The following CNNM3 variants were observed in gnomAD, a reference collection of about 807,000 sequenced individuals.
CNNM3 encodes metal transporter CNNM3.
Under a neutral mutation model 57.1 loss-of-function variants are expected in CNNM3, and 47 were observed. That is an observed-to-expected ratio of 0.82 (90% CI 0.65 to 1.05). The LOEUF (loss-of-function observed/expected upper bound fraction) is 1.05, where lower values mean the gene tolerates loss of function less well. Among genes scored for constraint, CNNM3 ranks in the 50% least tolerant of loss-of-function variants. The probability of loss-of-function intolerance (pLI) is 0.00; values close to 1 mark genes in which losing one functional copy is unlikely to be tolerated. For missense variants in CNNM3, 957 were observed against 973.7 expected (o/e 0.98, Z 0.23); for synonymous variants, 507 against 478.2 (o/e 1.06, Z -0.79).
chr2:96,827,647 CTT>C, intron 3 of CNNM3, 82 bp from the exon 4 acceptor site: 1 of 1,429,526 alleles, frequency 7.0e-7, no homozygotes, highest in Non-Finnish European at 9.6e-7. Flanking sequence ...GGCACAATAA[CTT>C]TAAATTGCCT....
chr2:96,831,765 C>G (rs1559015602), intron 7 of CNNM3, among the ~76,000 whole-genome samples: 1 of 152,358 alleles, frequency 6.6e-6, no homozygotes, highest in African/African-American at 2.4e-5. Flanking sequence ...ACTGTGCAGC[C>G]CTCCATGCTG....
chr2:96,817,213 G>A lies in CNNM3; in HGVS notation c.936G>A (p.Arg312=), dbSNP rs760825307. Residue 312 remains arginine, a synonymous_variant, in exon 1 of 8, where the codon CGG becomes CGA. Transcript: ENST00000305510. The stretch of plus-strand genomic sequence containing the variant: ...TCAGCAAGGGCGTGCTGCGCTGCCG[G>A]ACCGTGGAGGACGTGCTCACGCCCC... ...SDLSKGVLRC[R]TVEDVLTPLE... is the part of the protein sequence containing the mutation. 1.9e-6 allele frequency: 3 copies of A among 1,597,114 alleles called. No homozygotes were observed. In the East Asian group the frequency reaches 6.7e-5, roughly 36 times the overall value.
intron 1 of CNNM3, among the ~76,000 whole-genome samples, chr2:96,821,131 C>T (rs924866929): frequency 6.6e-6 from 1 of 152,138 alleles, no homozygotes; most frequent in Admixed American, 6.5e-5. Flanking sequence ...CTTCCCCGCT[C>T]CTGTGGTGAG....
At position 96,826,942 on chromosome 2, in the gene CNNM3, G is replaced by A. The variant is rs755949526; in HGVS notation, c.1479G>A (p.Ser493=). ...ATGATGAATATAAAGTAACAATCTC[G>A]CCTCAGCTGCTCTTGGCCACCCAGC... The part of the protein sequence containing the change: ...VSDDEYKVTI[S]PQLLLATQRF... The change falls in exon 3 of 8, where the codon TCG becomes TCA. Residue 493 remains serine, a synonymous_variant. Coordinates refer to ENST00000305510, the MANE Select transcript of CNNM3 (RefSeq NM_017623.5). 16 of 1,614,050 alleles carry A rather than the reference G, an allele frequency of 9.9e-6. No homozygotes were observed. The Admixed American group carries it at 1.2e-4, about 12-fold the overall frequency.
downstream of CNNM3, among the ~76,000 whole-genome samples, chr2:96,835,495 G>T (rs922315394): frequency 6.7e-6 from 1 of 148,256 alleles, no homozygotes; most frequent in South Asian, 2.1e-4. Flanking sequence ...TTGAGACGGA[G>T]TCTCACTCTT....
In CNNM3 at chr2:96,817,378, C is replaced by T. The variant is rs770960372; in HGVS notation, c.1101C>T (p.Asp367=). 27 of 1,614,194 alleles carry T rather than the reference C, an allele frequency of 1.7e-5. No individual in the cohort carries two copies. The highest frequency in any genetic ancestry group is 2.1e-5 in the Non-Finnish European group (25 of 1,180,034). The change falls in exon 1 of 8, where the codon GAC becomes GAT. Residue 367 remains aspartate (D), a synonymous_variant. Transcript: ENST00000305510. The stretch of plus-strand genomic sequence containing the variant: ...TCGTGGACATGCTCTACCTCAAGGA[C>T]TTGGCCTTCGTGGATCCCGAAGACT... The part of the protein sequence containing the change: ...SNIVDMLYLK[D]LAFVDPEDCT...
chr2:96,826,166 T>G (rs896547085), intron 2 of CNNM3, among the ~76,000 whole-genome samples: 2 of 152,226 alleles, frequency 1.3e-5, no homozygotes, highest in Non-Finnish European at 2.9e-5. Context: ...AATACATGCT[T>G]TATAGTGAGA....
intron 1 of CNNM3, among the ~76,000 whole-genome samples, chr2:96,823,822 C>A (rs1197722765): frequency 6.6e-6 from 1 of 152,220 alleles, no homozygotes; most frequent in Non-Finnish European, 1.5e-5. Context: ...TCCCATCCCC[C>A]TGTCCTGGAC....
At chr2:96,818,078 A>G (rs1308642121) in intron 1 of CNNM3, among the ~76,000 whole-genome samples, 1 of 152,172 alleles carries the variant, frequency 6.6e-6, no homozygotes, top group Non-Finnish European at 1.5e-5. Flanking sequence ...TTTCACCAAA[A>G]GTAACTCCAT....
chr2:96,835,443 C>G (rs965860893), downstream of CNNM3, among the ~76,000 whole-genome samples: 1 of 150,582 alleles, frequency 6.6e-6, no homozygotes, highest in Non-Finnish European at 1.5e-5. Flanking sequence ...AGGGTTGTTG[C>G]ATGTTTCGTT....
rs2079315707 is a variant in CNNM3, at chr2:96,816,351, G to A, written c.74G>A (p.Gly25Glu). Reference sequence around the variant, plus strand: ...GCGCTCTGCCTGGGCAACGCCGCGGGGGAGGCCGCGCCGGGCCCGCGAGTG... The same window carrying A: ...GCGCTCTGCCTGGGCAACGCCGCGGAGGAGGCCGCGCCGGGCCCGCGAGTG... ...FAALCLGNAA[G>E]EAAPGPRVLG... The change falls in exon 1 of 8, where the codon GGG becomes GAG. Residue 25 changes from glycine to glutamate, a missense_variant. Transcript: ENST00000305510. 1 of 1,293,376 alleles carries A rather than the reference G, an allele frequency of 7.7e-7. No homozygotes were observed. The highest frequency in any genetic ancestry group is 9.8e-7 in the Non-Finnish European group (1 of 1,020,016). The allele number at this position is 1,293,376 out of a possible 1,614,324, so 80.1% of individuals were successfully genotyped here.
chr2:96,816,988 G>T lies in CNNM3; in HGVS notation c.711G>T (p.Glu237Asp). Residue 237 changes from glutamate to aspartate, a missense_variant, in exon 1 of 8, where the codon GAG becomes GAT. Physicochemically the swap from Glu to Asp is conservative, Grantham distance 45. Coordinates refer to ENST00000305510, the MANE Select transcript of CNNM3 (RefSeq NM_017623.5). ...CGGGGCTCGTGTTCCTGGTGGGAGA[G>T]GTGGTGCCGGCCGCCGTGAGCGGGC... ...GSAGLVFLVGEVVPAAVSGRW... is the reference protein window; with the variant it reads ...GSAGLVFLVGDVVPAAVSGRW... 1 of 1,364,000 alleles carries T rather than the reference G, an allele frequency of 7.3e-7. No homozygotes were observed. The highest frequency in any genetic ancestry group is 1.4e-5 in the South Asian group (1 of 71,322). The allele number at this position is 1,364,000 out of a possible 1,614,324, so 84.5% of individuals were successfully genotyped here.
At chr2:96,828,517 C>T (rs2079548158) in intron 5 of CNNM3, 50 bp from the exon 6 acceptor site, 10 of 1,610,670 alleles carry the variant, frequency 6.2e-6, no homozygotes, top group Middle Eastern at 1.7e-4. Flanking sequence ...GGGGAGGAGG[C>T]TCCCAGCTGC....
chr2:96,824,345 G>A (rs1417252712), intron 1 of CNNM3, among the ~76,000 whole-genome samples: 3 of 152,126 alleles, frequency 2.0e-5, no homozygotes, highest in African/African-American at 4.8e-5. Context: ...CTTGGCTCCC[G>A]AGTGGCCAGC....
intron 1 of CNNM3, among the ~76,000 whole-genome samples, chr2:96,818,297 C>T (rs574989420): frequency 6.6e-6 from 1 of 151,486 alleles, no homozygotes; most frequent in Non-Finnish European, 1.5e-5. Flanking sequence ...GTTGACCAAG[C>T]TGGTCTTGAA....
At chr2:96,819,465 T>C (rs1029135499) in intron 1 of CNNM3, among the ~76,000 whole-genome samples, 3 of 152,212 alleles carry the variant, frequency 2.0e-5, no homozygotes, top group East Asian at 3.9e-4. Context: ...GGCGTGCATA[T>C]GCTGTGTGCT....
chr2:96,816,977 C>T lies in CNNM3; in HGVS notation c.700C>T (p.Leu234=), dbSNP rs1357406360. Residue 234 remains leucine, a synonymous_variant, in exon 1 of 8, where the codon CTG becomes TTG. Coordinates refer to ENST00000305510, the MANE Select transcript of CNNM3 (RefSeq NM_017623.5). ...GTTGGGCAGCGCGGGGCTCGTGTTC[C>T]TGGTGGGAGAGGTGGTGCCGGCCGC... The part of the protein sequence containing the change: ...AVLGSAGLVF[L]VGEVVPAAVS... The T allele has an allele frequency of 3.2e-5, 43 of 1,354,858 alleles. No individual in the cohort carries two copies. Among genetic ancestry groups the T allele is most frequent in the Non-Finnish European group, 3.7e-5 (39 of 1,047,640 alleles). 83.9% of individuals were successfully genotyped at this position (1,354,858 alleles called of 1,614,324 possible). A position where few individuals can be genotyped will look rare whatever the true frequency, so the allele number is the denominator to read the frequency against.
rs748550967 is a variant in CNNM3, at chr2:96,817,267, C to T, written c.990C>T (p.Ser330=). The change falls in exon 1 of 8, where the codon AGC becomes AGT. Residue 330 remains serine, a synonymous_variant. Transcript: ENST00000305510. The stretch of plus-strand genomic sequence containing the variant: ...AAGACTGCTTCATGCTGGACGCCAG[C>T]ACCGTGCTGGACTTCGGCGTCCTGG... ...PLEDCFMLDA[S]TVLDFGVLAS... is the part of the protein sequence containing the mutation. 11 of 1,612,490 alleles carry T rather than the reference C, an allele frequency of 6.8e-6. No individual in the cohort carries two copies. In the Admixed American group the frequency reaches 1.7e-4, roughly 24 times the overall value.
intron 3 of CNNM3, among the ~76,000 whole-genome samples, chr2:96,827,241 G>A (rs1223738313): frequency 1.3e-5 from 2 of 152,024 alleles, no homozygotes; most frequent in East Asian, 3.9e-4. Context: ...TCAGCTGGGC[G>A]GATGTGGGGT....
Sources: allele counts gnomAD v4.1 joint callset (sites outside exome capture counted in the v4.1 genomes callset), GRCh38; gene constraint gnomAD v4.1.1; transcripts MANE v1.5; gene names NCBI Gene and HGNC (gene_info 2026-07-23, HGNC 2026-07-21).